Variants in OSR2 observed in about 807,000 individuals in gnomAD.
OSR2 encodes the protein odd-skipped related transciption factor 2, also known as protein odd-skipped-related 2.
A neutral mutation model predicts 22.3 loss-of-function variants in OSR2; 8 were observed. That is an observed-to-expected ratio of 0.36 (90% CI 0.21 to 0.65). OSR2 has a LOEUF of 0.65. Ranked by LOEUF, OSR2 falls within the 30% of genes least tolerant of loss-of-function variation. The pLI is 0.66. For synonymous variants in OSR2, 179 were observed against 173.8 expected, an observed-to-expected ratio of 1.03 and a Z score of -0.23; for missense variants, 311 against 413.4, an observed-to-expected ratio of 0.75 and a Z score of 2.15.
At chr8:98,945,421 G>A (rs1840579304) in intron 1 of OSR2, among the ~76,000 whole-genome samples, 1 of 152,248 alleles carries the variant, frequency 6.6e-6, no homozygotes, top group Non-Finnish European at 1.5e-5. Context: ...AGGAGTTGCA[G>A]TTGTACGAAG....
At chr8:98,947,069 A>G (rs1418579024) in intron 1 of OSR2, among the ~76,000 whole-genome samples, 1 of 151,920 alleles carries the variant, frequency 6.6e-6, no homozygotes, top group African/African-American at 2.4e-5. Flanking sequence ...CTTGCCACCG[A>G]GCAAAAATGA....
chr8:98,948,615 C>T lies in OSR2; in HGVS notation c.-114-224C>T, dbSNP rs911750424. 6.4e-5 allele frequency: 64 copies of T among 1,006,326 alleles called. No individual in the cohort carries two copies. In the African/African-American group the frequency reaches 8.6e-4, roughly 14 times the overall value. 62.3% of individuals were successfully genotyped at this position (1,006,326 alleles called of 1,614,324 possible). ...AATCCGACTTTCTTTCCTTTGGGCA[C>T]GCGCTCGCCAGTGGAGCACTTCTTG... On this transcript the variant is annotated intron_variant, in intron 1 of 3. Coordinates refer to ENST00000297565, the MANE Select transcript of OSR2 (RefSeq NM_001142462.3). This position sits in a 1 kb window ranked among gnomAD's most constrained non-coding sequence, Gnocchi z 6.0.
chr8:98,947,627 G>A (rs1293893414), intron 1 of OSR2, among the ~76,000 whole-genome samples: 5 of 152,170 alleles, frequency 3.3e-5, no homozygotes, highest in African/African-American at 9.7e-5. Context: ...AGGTGATCCC[G>A]GGAACCTGGG....
intron 3 of OSR2, 143 bp from the exon 4 acceptor site, chr8:98,951,376 C>A: frequency 1.3e-6 from 1 of 781,148 alleles, no homozygotes; most frequent in Non-Finnish European, 2.0e-6. Context: ...ATTAGGAGCA[C>A]GGATTTGTTC....
intron 1 of OSR2, among the ~76,000 whole-genome samples, chr8:98,947,395 C>G (rs1023726484): frequency 6.6e-6 from 1 of 151,266 alleles, no homozygotes; most frequent in Non-Finnish European, 1.5e-5. Context: ...ACAAGTCAGA[C>G]GCAGGAAGGG....
rs565937883 is a variant in OSR2, at chr8:98,949,358, C to G, written c.406C>G (p.Leu136Val). 322 of 1,612,560 alleles carry G rather than the reference C, an allele frequency of 2.0e-4. 5 individuals carry two copies. In the South Asian group the frequency reaches 3.4e-3, roughly 17 times the overall value. ...AGAGGATCCGCCTAAGATGGGAGAC[C>G]TGAGCAAGCTGAGCCCAGGACTGGG... ...TQEDPPKMGD[L>V]SKLSPGLGSP... Residue 136 changes from leucine (L) to valine (V), a missense_variant, in exon 2 of 4, where the codon CTG becomes GTG. This residue lies in a region of OSR2 where 53 missense variants were observed against 59.5 expected (regional missense o/e 0.89). Transcript: ENST00000297565. This position sits in a 1 kb window ranked among gnomAD's most constrained non-coding sequence, Gnocchi z 5.9.
Position 98,948,767 on chromosome 8 carries a change from G to A in OSR2, c.-114-72G>A, listed in dbSNP as rs1008576390. Reference sequence around the variant, plus strand: ...AGACTTAGGTGTGGTAACCTGCGCAGGTGCCAAAGGGCAGAAGGAGCAGCC... The same window carrying A: ...AGACTTAGGTGTGGTAACCTGCGCAAGTGCCAAAGGGCAGAAGGAGCAGCC... On this transcript the variant is annotated intron_variant, in intron 1 of 3. Transcript: ENST00000297565. The surrounding 1 kb of genome is among the most constrained non-coding windows in gnomAD (Gnocchi z 6.0). 9 of 1,445,556 alleles carry A rather than the reference G, an allele frequency of 6.2e-6. No homozygotes were observed. In the East Asian group the frequency reaches 2.2e-4, roughly 36 times the overall value. The allele number at this position is 1,445,556 out of a possible 1,614,324, so 89.5% of individuals were successfully genotyped here.
Position 98,948,386 on chromosome 8 carries a change from C to T in OSR2, c.-114-453C>T, listed in dbSNP as rs1251772238. On this transcript the variant is annotated intron_variant, in intron 1 of 3. Coordinates refer to ENST00000297565, the MANE Select transcript of OSR2 (RefSeq NM_001142462.3). This position sits in a 1 kb window ranked among gnomAD's most constrained non-coding sequence, Gnocchi z 6.0. ...TCTCACGACCCATCCGTTAACCCAC[C>T]GTTCCCAGGAGCTCCGAGGCGCAGC... 2.7e-6 allele frequency: 4 copies of T among 1,467,026 alleles called. No homozygotes were observed. The highest frequency in any genetic ancestry group is 3.6e-6 in the Non-Finnish European group (4 of 1,112,044). 90.9% of individuals were successfully genotyped at this position (1,467,026 alleles called of 1,614,324 possible).
Position 98,948,686 on chromosome 8 carries a change from G to A in OSR2, c.-114-153G>A. ...GCACGCGGACTTGAGCAGGTGCCAAGGTGCCACGCAGTCCCCTCACGGCTT... is the reference window on the plus strand; with the variant it reads ...GCACGCGGACTTGAGCAGGTGCCAAAGTGCCACGCAGTCCCCTCACGGCTT... On this transcript the variant is annotated intron_variant, in intron 1 of 3. Transcript: ENST00000297565. The surrounding 1 kb of genome is among the most constrained non-coding windows in gnomAD (Gnocchi z 6.0). The A allele has an allele frequency of 9.4e-7, 1 of 1,064,950 alleles. No individual in the cohort carries two copies. The highest frequency in any genetic ancestry group is 1.3e-6 in the Non-Finnish European group (1 of 762,280). 66.0% of individuals were successfully genotyped at this position (1,064,950 alleles called of 1,614,324 possible). A position where few individuals can be genotyped will look rare whatever the true frequency, so the allele number is the denominator to read the frequency against.
rs1045855012 is a variant in OSR2 at position 98,948,316 on chromosome 8, C to T, written c.-114-523C>T. 2.6e-6 allele frequency: 4 copies of T among 1,524,574 alleles called. No homozygotes were observed. Among genetic ancestry groups the T allele is most frequent in the African/African-American group, 2.8e-5 (2 of 72,144 alleles). 94.4% of individuals were successfully genotyped at this position (1,524,574 alleles called of 1,614,324 possible). On this transcript the variant is annotated intron_variant, in intron 1 of 3. Coordinates refer to ENST00000297565, the MANE Select transcript of OSR2 (RefSeq NM_001142462.3). The surrounding 1 kb of genome is among the most constrained non-coding windows in gnomAD (Gnocchi z 6.0). ...CGCCGGCTTGCCATCCGGGTAAGCGCGGGAAAGGCGGCCACAGGGCGCGGC... is the reference window on the plus strand; with the variant it reads ...CGCCGGCTTGCCATCCGGGTAAGCGTGGGAAAGGCGGCCACAGGGCGCGGC...
In OSR2 at chr8:98,949,662, A is replaced by C. The variant is rs1398624943; in HGVS notation, c.656+54A>C. On this transcript the variant is annotated intron_variant, in intron 2 of 3. Coordinates refer to ENST00000297565, the MANE Select transcript of OSR2 (RefSeq NM_001142462.3). This position sits in a 1 kb window ranked among gnomAD's most constrained non-coding sequence, Gnocchi z 5.9. ...GAGGGAAAGCGAATTTGTCCTGGAC[A>C]CACCGAGTCCTGATAGACATTCCCA... 1 of 1,547,720 alleles carries C rather than the reference A, an allele frequency of 6.5e-7. No homozygotes were observed. Among genetic ancestry groups the C allele is most frequent in the East Asian group, 2.3e-5 (1 of 44,334 alleles).
In OSR2 at chr8:98,951,744, C is replaced by A; in HGVS notation, c.*43C>A. On this transcript the variant is annotated 3_prime_UTR_variant, in exon 4 of 4. Transcript: ENST00000297565. The stretch of plus-strand genomic sequence containing the variant: ...CCCGTGCCGCCGCTGCTCCCCTCCC[C>A]AGACACCTCTCCACGTCTCCTACCC... 2 of 1,569,254 alleles carry A rather than the reference C, an allele frequency of 1.3e-6. No individual in the cohort carries two copies. Among genetic ancestry groups the A allele is most frequent in the South Asian group, 2.3e-5 (2 of 86,150 alleles).
In OSR2 at chr8:98,948,756, T is replaced by C; in HGVS notation, c.-114-83T>C. On this transcript the variant is annotated intron_variant, in intron 1 of 3. Coordinates refer to ENST00000297565, the MANE Select transcript of OSR2 (RefSeq NM_001142462.3). The surrounding 1 kb of genome is among the most constrained non-coding windows in gnomAD (Gnocchi z 6.0). ...GGTGGGGAGGGAGACTTAGGTGTGGTAACCTGCGCAGGTGCCAAAGGGCAG... is the reference window on the plus strand; with the variant it reads ...GGTGGGGAGGGAGACTTAGGTGTGGCAACCTGCGCAGGTGCCAAAGGGCAG... 7.0e-7 allele frequency: 1 copy of C among 1,420,110 alleles called. No individual in the cohort carries two copies. The highest frequency in any genetic ancestry group is 1.4e-5 in the South Asian group (1 of 70,252). 88.0% of individuals were successfully genotyped at this position (1,420,110 alleles called of 1,614,324 possible). A position where few individuals can be genotyped will look rare whatever the true frequency, so the allele number is the denominator to read the frequency against.
Position 98,944,594 on chromosome 8 carries a change from C to T in OSR2, c.-344C>T, listed in dbSNP as rs1840547963. 1 of 152,290 alleles carries T rather than the reference C, an allele frequency of 6.6e-6. No homozygotes were observed. The highest frequency in any genetic ancestry group is 1.5e-5 in the Non-Finnish European group (1 of 68,088). 9.4% of individuals were successfully genotyped at this position (152,290 alleles called of 1,614,324 possible). ...TTCTGGGCGAGCGCTGAACGCCGGC[C>T]CCAAGCACCCCGGGTCTTTACACAG... On this transcript the variant is annotated 5_prime_UTR_variant, in exon 1 of 4. Transcript: ENST00000297565.
intron 1 of OSR2, among the ~76,000 whole-genome samples, chr8:98,947,836 C>A (rs565418434): frequency 6.6e-6 from 1 of 152,190 alleles, no homozygotes; most frequent in Non-Finnish European, 1.5e-5. Flanking sequence ...TCTCCCTCCC[C>A]GGAGCGCTCT....
chr8:98,946,756 T>C (rs947397737), intron 1 of OSR2, among the ~76,000 whole-genome samples: 2 of 152,118 alleles, frequency 1.3e-5, no homozygotes, highest in Admixed American at 6.6e-5. Flanking sequence ...CTCCCCCACA[T>C]GCCCGCTCCC....
In OSR2 at chr8:98,948,646, GCCCCGGGCT is replaced by G. The variant is rs1840682473; in HGVS notation, c.-114-192_-114-184del. ...CGCCAGTGGAGCACTTCTTGTTCTG[GCCCCGGGCT>G]GATCTGCACGCGGACTTGAGCAGGT... On this transcript the variant is annotated intron_variant, in intron 1 of 3. Transcript: ENST00000297565. The surrounding 1 kb of genome is among the most constrained non-coding windows in gnomAD (Gnocchi z 6.0). 3 of 963,044 alleles carry G rather than the reference GCCCCGGGCT, an allele frequency of 3.1e-6. No individual in the cohort carries two copies. The East Asian group carries it at 8.0e-5, about 26-fold the overall frequency. The allele number at this position is 963,044 out of a possible 1,614,324, so 59.7% of individuals were successfully genotyped here. A position where few individuals can be genotyped will look rare whatever the true frequency, so the allele number is the denominator to read the frequency against.
rs758592849 is a variant in OSR2 at position 98,949,222 on chromosome 8, T to C, written c.270T>C (p.Phe90=). The C allele has an allele frequency of 1.9e-6, 3 of 1,593,722 alleles. No individual in the cohort carries two copies. In the South Asian group the frequency reaches 3.4e-5, roughly 18 times the overall value. ...DARFPFPALP[F]TTHLFHPKQG... ...GCTTCCCCTTCCCGGCCCTGCCTTT[T>C]ACCACCCACCTATTCCACCCCAAGC... The change falls in exon 2 of 4, where the codon TTT becomes TTC. Residue 90 remains phenylalanine, a synonymous_variant. Transcript: ENST00000297565. The surrounding 1 kb of genome is among the most constrained non-coding windows in gnomAD (Gnocchi z 5.9).
rs564255670 is a variant in OSR2 at position 98,949,318 on chromosome 8, G to A, written c.366G>A (p.Ala122=). ...DRPRFDFANL[A]VAATQEDPPK... ...CCCGTTTTGACTTTGCCAATTTGGC[G>A]GTGGCTGCCACGCAAGAGGATCCGC... Residue 122 remains alanine, a synonymous_variant, in exon 2 of 4, where the codon GCG becomes GCA. Transcript: ENST00000297565. This position sits in a 1 kb window ranked among gnomAD's most constrained non-coding sequence, Gnocchi z 5.9. 5.6e-6 allele frequency: 9 copies of A among 1,613,332 alleles called. No homozygotes were observed. Among genetic ancestry groups the A allele is most frequent in the Admixed American group, 3.3e-5 (2 of 59,954 alleles).
Sources: gnomAD v4.1 joint callset for allele counts (sites outside exome capture counted in the v4.1 genomes callset) on GRCh38, gnomAD v4.1.1 for gene constraint, gnomAD v4.1.1 regional missense constraint, Gnocchi (gnomAD v3.1) non-coding constraint, MANE v1.5 for transcripts, NCBI Gene and HGNC (gene_info 2026-07-23, HGNC 2026-07-21) for gene names.